The following RABGAP1L variants were observed in gnomAD, a reference collection of about 807,000 sequenced individuals.
RABGAP1L encodes rab GTPase-activating protein 1-like.
In RABGAP1L, 63 loss-of-function variants were observed where a neutral mutation model predicts 137.7. That is an observed-to-expected ratio of 0.46 (90% CI 0.37 to 0.56). The LOEUF is 0.56. Among genes scored for constraint, RABGAP1L ranks in the 20% least tolerant of loss-of-function variants. RABGAP1L has a pLI of 0.00. For missense variants in RABGAP1L, 1,095 were observed against 1,244.0 expected (o/e 0.88, Z 1.80); for synonymous variants, 431 against 433.7 (o/e 0.99, Z 0.08).
chr1:174,950,490 C>G (rs1667544677), intron 19 of RABGAP1L, among the ~76,000 whole-genome samples: 1 of 152,156 alleles, frequency 6.6e-6, no homozygotes, highest in African/African-American at 2.4e-5. Flanking sequence ...TGGATGCCTT[C>G]TCCTGATTCC....
intron 19 of RABGAP1L, among the ~76,000 whole-genome samples, chr1:174,818,232 A>C (rs1690643054): frequency 6.6e-6 from 1 of 152,214 alleles, no homozygotes; most frequent in African/African-American, 2.4e-5. Flanking sequence ...TGTAAAATAC[A>C]GATGAGGGAA....
rs1057171192 is a variant in RABGAP1L at position 174,831,277 on chromosome 1, G to T, written c.2340+19317G>T. On this transcript the variant is annotated intron_variant, in intron 19 of 25. Transcript: ENST00000681986. Reference sequence around the variant, plus strand: ...CAATTAAAGACTAAGAGAGTACTCCGAGTCTCCCAAAGTACCTACATTCTT... The same window carrying T: ...CAATTAAAGACTAAGAGAGTACTCCTAGTCTCCCAAAGTACCTACATTCTT... 1.4e-5 allele frequency among the ~76,000 whole-genome samples: 2 copies of T among 148,046 alleles called. 1 individual carries two copies. Among genetic ancestry groups the T allele is most frequent in the Non-Finnish European group, 3.0e-5 (2 of 66,638 alleles).
At chr1:174,733,298 A>G (rs1398815097) in intron 17 of RABGAP1L, among the ~76,000 whole-genome samples, 1 of 152,156 alleles carries the variant, frequency 6.6e-6, no homozygotes, top group Non-Finnish European at 1.5e-5. Context: ...CAAGCAGTGA[A>G]ACATCTGCCT....
At chr1:174,856,738 C>A (rs1312598200) in intron 19 of RABGAP1L, among the ~76,000 whole-genome samples, 1 of 151,886 alleles carries the variant, frequency 6.6e-6, no homozygotes, top group Non-Finnish European at 1.5e-5. Context: ...ACCAGACTGG[C>A]CAACATGGAG....
rs185249673 is a variant in RABGAP1L at position 174,488,971 on chromosome 1, A to G, written c.1710+94826A>G. On this transcript the variant is annotated intron_variant, in intron 13 of 25. Coordinates refer to ENST00000681986, the MANE Select transcript of RABGAP1L (RefSeq NM_001366446.1). ...TGATGTTCCCCACCCTGTGTTGCCA[A>G]GTGTTCTCATTGTTCACTTCCCACC... is the stretch of plus-strand genomic sequence containing the variant. Among the ~76,000 whole-genome samples, 4 of 127,598 alleles carry G rather than the reference A, an allele frequency of 3.1e-5. No individual in the cohort carries two copies. The South Asian group carries it at 7.4e-4, about 24-fold the overall frequency. 83.7% of individuals were successfully genotyped at this position (127,598 alleles called of 152,430 possible).
intron 13 of RABGAP1L, among the ~76,000 whole-genome samples, chr1:174,566,915 G>T (rs56674178): frequency 0.11 from 16,437 of 152,038 alleles, 992 homozygotes; most frequent in East Asian, 0.22. Flanking sequence ...TCCCAGAAAA[G>T]CTTCATCAGC....
intron 15 of RABGAP1L, 103 bp from the exon 16 acceptor site, chr1:174,699,422 C>T (rs769848276): frequency 9.6e-7 from 1 of 1,036,434 alleles, no homozygotes; most frequent in Non-Finnish European, 1.4e-6. Context: ...TTGCTCCAGG[C>T]CTTCAGCTAC....
intron 5 of RABGAP1L, among the ~76,000 whole-genome samples, chr1:174,243,802 G>C (rs1672029656): frequency 6.6e-6 from 1 of 152,142 alleles, no homozygotes; most frequent in South Asian, 2.1e-4. Context: ...GTTACCCTTT[G>C]TTTATCCTGT....
chr1:174,511,096 G>A (rs1376850236), intron 13 of RABGAP1L, among the ~76,000 whole-genome samples: 1 of 152,130 alleles, frequency 6.6e-6, no homozygotes, highest in African/African-American at 2.4e-5. Context: ...ACCTGATAAA[G>A]TATTTTCAGG....
chr1:174,383,261 C>T (rs1442480676), intron 12 of RABGAP1L, among the ~76,000 whole-genome samples: 2 of 151,250 alleles, frequency 1.3e-5, no homozygotes, highest in Non-Finnish European at 2.9e-5. Flanking sequence ...GTGCCCTGCC[C>T]TCAGAGGTGG....
intron 18 of RABGAP1L, among the ~76,000 whole-genome samples, chr1:174,772,226 A>T (rs759710559): frequency 1.3e-5 from 2 of 151,942 alleles, no homozygotes; most frequent in Non-Finnish European, 2.9e-5. Flanking sequence ...ACAAAAAAAA[A>T]TAACTAATCT....
chr1:174,693,580 CT>C (rs900045109), intron 15 of RABGAP1L, among the ~76,000 whole-genome samples: 43 of 150,710 alleles, frequency 2.9e-4, no homozygotes, highest in African/African-American at 8.8e-4. Flanking sequence ...CATCACTTTT[CT>C]TTTTTTTTGC....
intron 13 of RABGAP1L, among the ~76,000 whole-genome samples, chr1:174,430,454 A>T (rs1482718597): frequency 6.6e-6 from 1 of 152,156 alleles, no homozygotes; most frequent in Non-Finnish European, 1.5e-5. Context: ...CAGACCTCAA[A>T]CAATACCTAG....
chr1:174,382,431 C>G (rs1277395473), intron 12 of RABGAP1L, among the ~76,000 whole-genome samples: 6 of 46,586 alleles, frequency 1.3e-4, no homozygotes, highest in South Asian at 8.3e-4. Flanking sequence ...GTACACCAAT[C>G]AGACGTAGAT....
At chr1:174,607,380 A>G (rs1670867507) in intron 13 of RABGAP1L, among the ~76,000 whole-genome samples, 1 of 152,144 alleles carries the variant, frequency 6.6e-6, no homozygotes, top group African/African-American at 2.4e-5. Context: ...GTGGTGTTGC[A>G]ATACCTGCTC....
rs895437236 is a variant in RABGAP1L, at chr1:174,790,431, C to G, written c.2212-21401C>G. ...CTGAGGTCAGGAGTTCGAGACCAGC[C>G]TGACCAACATGGTGAAACCCCGTCT... On this transcript the variant is annotated intron_variant, in intron 18 of 25. Transcript: ENST00000681986. 7.2e-5 allele frequency among the ~76,000 whole-genome samples: 11 copies of G among 152,078 alleles called. 1 individual carries two copies. In the South Asian group the frequency reaches 1.7e-3, roughly 23 times the overall value.
intron 13 of RABGAP1L, among the ~76,000 whole-genome samples, chr1:174,430,299 G>GA (rs1652471332): frequency 6.6e-6 from 1 of 151,478 alleles, no homozygotes; most frequent in Non-Finnish European, 1.5e-5. Flanking sequence ...CTTGAGCCCG[G>GA]AGGAGGCAAG....
intron 10 of RABGAP1L, among the ~76,000 whole-genome samples, chr1:174,290,392 G>T (rs988812991): frequency 6.6e-6 from 1 of 152,250 alleles, no homozygotes; most frequent in Non-Finnish European, 1.5e-5. Flanking sequence ...CATAGACTCA[G>T]CAAATCTCTC....
intron 13 of RABGAP1L, among the ~76,000 whole-genome samples, chr1:174,563,146 T>C (rs1416683788): frequency 6.6e-6 from 1 of 152,214 alleles, no homozygotes; most frequent in East Asian, 1.9e-4. Context: ...TCTGGCTCTT[T>C]ACCACAAAAG....
Sources: gnomAD v4.1 joint callset for allele counts (sites outside exome capture counted in the v4.1 genomes callset) on GRCh38, gnomAD v4.1.1 for gene constraint, MANE v1.5 for transcripts, NCBI Gene and HGNC (gene_info 2026-07-23, HGNC 2026-07-21) for gene names.